Variants in BAHCC1 observed in about 807,000 individuals in gnomAD.
BAHCC1 encodes the protein BAH and coiled-coil domain-containing protein 1.
BAHCC1 carries 43 observed loss-of-function variants against 88.2 expected under a neutral mutation model. The observed-to-expected ratio is 0.49, with a 90% CI of 0.38 to 0.63. The LOEUF (loss-of-function observed/expected upper bound fraction) is 0.63. Among genes scored for constraint, BAHCC1 ranks in the 20% least tolerant of loss-of-function variants. The pLI, the probability that BAHCC1 is intolerant of heterozygous loss-of-function variation, is 0.00. For synonymous variants in BAHCC1, 1,510 were observed against 745.5 expected (o/e 2.03, Z -16.71); for missense variants, 3,023 against 1,654.8 (o/e 1.83, Z -14.34).
chr17:81,409,182 G>A (rs1383907529), intron 2 of BAHCC1, among the ~76,000 whole-genome samples: 1 of 152,186 alleles, frequency 6.6e-6, no homozygotes, highest in African/African-American at 2.4e-5. Flanking sequence ...ACCTGCCTGG[G>A]GGACATGGCA....
intron 2 of BAHCC1, among the ~76,000 whole-genome samples, chr17:81,405,584 TGAGCCCGA>T (rs1298827783): frequency 6.6e-6 from 1 of 152,192 alleles, no homozygotes; most frequent in Non-Finnish European, 1.5e-5. Flanking sequence ...CTCCAGGGTC[TGAGCCCGA>T]GACTGTCCAT....
At chr17:81,433,857 C>A (rs142688475) in intron 3 of BAHCC1, among the ~76,000 whole-genome samples, 1 of 152,238 alleles carries the variant, frequency 6.6e-6, no homozygotes, top group Non-Finnish European at 1.5e-5. Context: ...CGGGGCCTGG[C>A]GGTCATCGGG....
chr17:81,458,704 G>A lies in BAHCC1; in HGVS notation c.5427G>A (p.Val1809=). The A allele has an allele frequency of 1.4e-6, 1 of 730,216 alleles. No individual in the cohort carries two copies. The highest frequency in any genetic ancestry group is 2.5e-6 in the Non-Finnish European group (1 of 392,576). 45.2% of individuals were successfully genotyped at this position (730,216 alleles called of 1,614,324 possible). The part of the protein sequence containing the change: ...ILGKGRKLSK[V]KHKAGKQGKG... Reference sequence around the variant, plus strand: ...GGAAGGGCCGGAAGCTGAGCAAGGTGAAGCACAAGGCCGGCAAGCAGGTAG... The same window carrying A: ...GGAAGGGCCGGAAGCTGAGCAAGGTAAAGCACAAGGCCGGCAAGCAGGTAG... Residue 1809 remains valine (V), a synonymous_variant, in exon 19 of 28, where the codon GTG becomes GTA. Coordinates refer to ENST00000675386, the MANE Select transcript of BAHCC1 (RefSeq NM_001377448.1).
chr17:81,406,997 G>C (rs1555647033), intron 2 of BAHCC1: 1 of 456,164 alleles, frequency 2.2e-6, no homozygotes. Context: ...AGGTGGGCTG[G>C]GTTCCTGCCT....
At chr17:81,408,738 C>G (rs1280843792) in intron 2 of BAHCC1, among the ~76,000 whole-genome samples, 4 of 152,222 alleles carry the variant, frequency 2.6e-5, no homozygotes, top group Non-Finnish European at 5.9e-5. Context: ...CTGGGTCTGT[C>G]CCACAGAGCC....
At chr17:81,444,869 T>C in intron 8 of BAHCC1, 43 bp downstream of exon 8, 2 of 742,826 alleles carry the variant, frequency 2.7e-6, no homozygotes, top group South Asian at 2.8e-5. Flanking sequence ...GGGGGTGCTG[T>C]TGGAAGGAGG....
At chr17:81,397,394 AG>A (rs2063756714) in intron 1 of BAHCC1, among the ~76,000 whole-genome samples, 3 of 122,034 alleles carry the variant, frequency 2.5e-5, no homozygotes, top group African/African-American at 5.5e-5. Flanking sequence ...CTTATTGGAG[AG>A]AAAAAAAAAA....
At chr17:81,421,651 C>T (rs1407768041) in intron 2 of BAHCC1, among the ~76,000 whole-genome samples, 1 of 152,214 alleles carries the variant, frequency 6.6e-6, no homozygotes, top group African/African-American at 2.4e-5. Flanking sequence ...TCTGAGAGCC[C>T]CCAGCCGTGT....
At chr17:81,408,548 A>G (rs1555647266) in intron 2 of BAHCC1, among the ~76,000 whole-genome samples, 1 of 151,826 alleles carries the variant, frequency 6.6e-6, no homozygotes, top group African/African-American at 2.4e-5. Context: ...GCCACCCTGG[A>G]GTTCTGATCC....
chr17:81,427,739 C>T (rs952247781), intron 3 of BAHCC1, among the ~76,000 whole-genome samples: 4 of 152,190 alleles, frequency 2.6e-5, no homozygotes, highest in African/African-American at 4.8e-5. Context: ...CCGCCCCCCG[C>T]GGCTGGCACG....
Position 81,436,252 on chromosome 17 carries a change from C to T in BAHCC1, c.359-2118C>T, listed in dbSNP as rs1445963841. 2.6e-5 allele frequency among the ~76,000 whole-genome samples: 4 copies of T among 152,224 alleles called. No homozygotes were observed. In the East Asian group the frequency reaches 5.8e-4, roughly 22 times the overall value. On this transcript the variant is annotated intron_variant, in intron 3 of 27. Transcript: ENST00000675386. ...CCCTGGCCAGTGCTGCCCTGCTCAC[C>T]AGCCCAGGGGCCACCAGCCAAGGCC...
intron 3 of BAHCC1, among the ~76,000 whole-genome samples, chr17:81,429,973 G>T (rs1023720587): frequency 6.6e-6 from 1 of 152,220 alleles, no homozygotes; most frequent in African/African-American, 2.4e-5. Context: ...GGAGCCGCCC[G>T]GAACATCTGG....
chr17:81,456,048 T>G, intron 15 of BAHCC1: 4 of 514,796 alleles, frequency 7.8e-6, no homozygotes, highest in Non-Finnish European at 1.4e-5. Flanking sequence ...GCCCTCAGCC[T>G]CCTCCATGTC....
chr17:81,432,647 CCCCTGAGCCCCAGACCCCA>C (rs2143447944), intron 3 of BAHCC1, among the ~76,000 whole-genome samples: 2 of 94,184 alleles, frequency 2.1e-5, no homozygotes, highest in African/African-American at 8.8e-5. Flanking sequence ...CCCACCTGTT[CCCCTGAGCCCCAGACCCCA>C]TCCCTCCCAT....
intron 14 of BAHCC1, among the ~76,000 whole-genome samples, chr17:81,453,306 G>A (rs532564341): frequency 3.0e-4 from 46 of 152,232 alleles, no homozygotes; most frequent in Non-Finnish European, 5.4e-4. Flanking sequence ...GCGCACTCCC[G>A]GGCCTGGTAT....
At position 81,458,617 on chromosome 17, in the gene BAHCC1, G is replaced by T. The variant is rs782743870; in HGVS notation, c.5344-4G>T. ...CAGCCCCTTCTCTGCCTGCCCACGC[G>T]CAGCGGAAGAACGGGGCCCTGTCCA... On this transcript the variant is annotated splice_region_variant and splice_polypyrimidine_tract_variant and intron_variant, in intron 18 of 27. Coordinates refer to ENST00000675386, the MANE Select transcript of BAHCC1 (RefSeq NM_001377448.1). The T allele has an allele frequency of 2.8e-6, 2 of 710,534 alleles. No individual in the cohort carries two copies. Among genetic ancestry groups the T allele is most frequent in the South Asian group, 1.5e-5 (1 of 67,418 alleles). 44.0% of individuals were successfully genotyped at this position (710,534 alleles called of 1,614,324 possible).
intron 2 of BAHCC1, among the ~76,000 whole-genome samples, chr17:81,417,045 G>A (rs1052938820): frequency 2.5e-4 from 38 of 152,162 alleles, no homozygotes; most frequent in Non-Finnish European, 2.1e-4. Flanking sequence ...AGGGGGTGGG[G>A]GCTCCGGTTG....
intron 2 of BAHCC1, among the ~76,000 whole-genome samples, chr17:81,406,493 C>T (rs1223227874): frequency 1.3e-5 from 2 of 152,206 alleles, no homozygotes; most frequent in East Asian, 3.9e-4. Context: ...TCAGAGCCAG[C>T]GTGCAGTGTC....
chr17:81,459,637 G>A, intron 23 of BAHCC1, 33 bp downstream of exon 23: 1 of 778,752 alleles, frequency 1.3e-6, no homozygotes, highest in Non-Finnish European at 2.4e-6. Context: ...GCTGGGGCAG[G>A]CCCCTCTGAG....
Sources: gnomAD v4.1 joint callset for allele counts (sites outside exome capture counted in the v4.1 genomes callset) on GRCh38, gnomAD v4.1.1 for gene constraint, MANE v1.5 for transcripts, NCBI Gene and HGNC (gene_info 2026-07-23, HGNC 2026-07-21) for gene names.